Variants in GPHN observed in about 807,000 individuals in gnomAD.
The protein encoded by GPHN is gephyrin.
A neutral mutation model predicts 95.5 loss-of-function variants in GPHN; 17 were observed. That is an observed-to-expected ratio of 0.18 (90% CI 0.12 to 0.27). GPHN has a LOEUF of 0.27. Ranked by LOEUF, GPHN falls within the 10% of genes least tolerant of loss-of-function variation. GPHN has a pLI of 1.00. For missense variants in GPHN, 660 were observed against 978.1 expected (o/e 0.67, Z 4.34); for synonymous variants, 320 against 322.5 (o/e 0.99, Z 0.08).
chr14:66,670,699 G>C (rs899470983), intron 1 of GPHN, among the ~76,000 whole-genome samples: 1 of 152,226 alleles, frequency 6.6e-6, no homozygotes, highest in Non-Finnish European at 1.5e-5. Flanking sequence ...AGCTGAGGGA[G>C]AAGGATCATT....
At chr14:67,429,274 A>G in the GPHN span, among the ~76,000 whole-genome samples, 2 of 145,192 alleles carry the variant, frequency 1.4e-5, no homozygotes, top group Non-Finnish European at 3.0e-5. Flanking sequence ...ACTGTCGCCC[A>G]GGCTGGCGTG....
chr14:67,473,988 C>G, the GPHN span: 1 of 1,508,832 alleles, frequency 6.6e-7, no homozygotes, highest in Non-Finnish European at 8.9e-7. The surrounding 1 kb of genome is among the most constrained non-coding windows in gnomAD (Gnocchi z 6.5). Context: ...CGCGGTGGCT[C>G]ACGCCTATAA....
intron 5 of GPHN, among the ~76,000 whole-genome samples, chr14:66,902,738 A>G (rs977831011): frequency 1.3e-5 from 2 of 152,002 alleles, no homozygotes; most frequent in African/African-American, 4.8e-5. Flanking sequence ...GATCTGTTCA[A>G]TGTGTTGTTG....
At chr14:66,530,714 A>G (rs557262195) in intron 1 of GPHN, among the ~76,000 whole-genome samples, 2 of 152,066 alleles carry the variant, frequency 1.3e-5, no homozygotes, top group East Asian at 1.9e-4. Context: ...TACGGATGGG[A>G]ATTCCCTGAC....
chr14:67,264,558 G>T, the GPHN span, among the ~76,000 whole-genome samples: 703 of 152,158 alleles, frequency 4.6e-3, 5 homozygotes, highest in African/African-American at 0.016. Context: ...TACCGTAAAT[G>T]GTATGAGTAA....
intron 11 of GPHN, among the ~76,000 whole-genome samples, chr14:67,073,646 C>A (rs1287712179): frequency 4.6e-5 from 7 of 152,120 alleles, no homozygotes; most frequent in Admixed American, 4.6e-4. Flanking sequence ...ATTACCAATT[C>A]TGTTGCATCT....
intron 11 of GPHN, among the ~76,000 whole-genome samples, chr14:67,060,863 C>T (rs1308619410): frequency 6.6e-6 from 1 of 152,148 alleles, no homozygotes; most frequent in Non-Finnish European, 1.5e-5. Flanking sequence ...TACCATTGCC[C>T]AGAGCTTGTC....
chr14:66,720,518 A>T (rs1030921571), intron 2 of GPHN, among the ~76,000 whole-genome samples: 4 of 152,160 alleles, frequency 2.6e-5, no homozygotes, highest in Admixed American at 2.6e-4. Context: ...ACTCTAAGCC[A>T]AGAGTCTAAG....
At chr14:67,060,101 G>A (rs1255178316) in intron 11 of GPHN, among the ~76,000 whole-genome samples, 1 of 150,784 alleles carries the variant, frequency 6.6e-6, no homozygotes, top group African/African-American at 2.4e-5. Context: ...ACCATCCCTG[G>A]TTTTTTCTTT....
chr14:66,816,993 A>G (rs774295369), intron 3 of GPHN, among the ~76,000 whole-genome samples: 1 of 152,222 alleles, frequency 6.6e-6, no homozygotes, highest in African/African-American at 2.4e-5. Flanking sequence ...TTCTGTAATC[A>G]TGTTTTTTAT....
chr14:67,492,551 C>T, the GPHN span, among the ~76,000 whole-genome samples: 1 of 152,314 alleles, frequency 6.6e-6, no homozygotes, highest in Non-Finnish European at 1.5e-5. Flanking sequence ...GGTTACCCTG[C>T]CACGCTGCAC....
chr14:66,741,324 A>C (rs1310458968), intron 2 of GPHN, among the ~76,000 whole-genome samples: 2 of 152,188 alleles, frequency 1.3e-5, no homozygotes, highest in Non-Finnish European at 2.9e-5. Context: ...ATATTTATTG[A>C]ATGTCTTTTG....
the GPHN span, among the ~76,000 whole-genome samples, chr14:67,635,860 T>A: frequency 6.6e-5 from 10 of 151,766 alleles, no homozygotes; most frequent in African/African-American, 1.5e-4. Context: ...TAAAAAAAAT[T>A]TTTTTTAAAT....
At chr14:66,752,995 T>G (rs1187710036) in intron 2 of GPHN, among the ~76,000 whole-genome samples, 1 of 151,404 alleles carries the variant, frequency 6.6e-6, no homozygotes, top group Non-Finnish European at 1.5e-5. Context: ...ATAGAATTAG[T>G]AGCATTGAAT....
At chr14:67,625,004 C>A in the GPHN span, among the ~76,000 whole-genome samples, 1 of 152,132 alleles carries the variant, frequency 6.6e-6, no homozygotes, top group Non-Finnish European at 1.5e-5. Context: ...AGGTGATACT[C>A]CTCATAGACC....
At chr14:67,131,983 C>T (rs993460961) in intron 17 of GPHN, among the ~76,000 whole-genome samples, 1 of 152,096 alleles carries the variant, frequency 6.6e-6, no homozygotes, top group African/African-American at 2.4e-5. Context: ...AGAAGATTTC[C>T]CCCTTCTGGA....
At chr14:66,832,871 T>C (rs1174597455) in intron 4 of GPHN, among the ~76,000 whole-genome samples, 2 of 152,200 alleles carry the variant, frequency 1.3e-5, no homozygotes, top group Admixed American at 6.5e-5. Context: ...CAGGCTAAAA[T>C]TGAATGGGAT....
intron 1 of GPHN, among the ~76,000 whole-genome samples, chr14:66,541,747 T>C (rs2059360914): frequency 6.6e-6 from 1 of 152,236 alleles, no homozygotes; most frequent in South Asian, 2.1e-4. Context: ...GTTTAACTTT[T>C]AGTTTTGCAT....
the GPHN span, among the ~76,000 whole-genome samples, chr14:67,299,878 T>C: frequency 3.9e-5 from 6 of 152,232 alleles, no homozygotes; most frequent in African/African-American, 1.4e-4. Context: ...TAATCCAGAA[T>C]TATCTTCCCA....
Sources: gnomAD v4.1 joint callset for allele counts (sites outside exome capture counted in the v4.1 genomes callset) on GRCh38, gnomAD v4.1.1 for gene constraint, Gnocchi (gnomAD v3.1) non-coding constraint, MANE v1.5 for transcripts, NCBI Gene and HGNC (gene_info 2026-07-23, HGNC 2026-07-21) for gene names.